Variants in SMYD3 observed in about 807,000 individuals in gnomAD.
SMYD3 encodes histone-lysine N-methyltransferase SMYD3.
SMYD3 carries 36 observed loss-of-function variants against 57.7 expected under a neutral mutation model. That is an observed-to-expected ratio of 0.62 (90% CI 0.48 to 0.82). The LOEUF (loss-of-function observed/expected upper bound fraction) is 0.82, where lower values mean the gene tolerates loss of function less well. Ranked by LOEUF, SMYD3 falls within the 40% of genes least tolerant of loss-of-function variation. The pLI, the probability that SMYD3 is intolerant of heterozygous loss-of-function variation, is 0.00. For synonymous variants in SMYD3, 211 were observed against 195.0 expected (o/e 1.08, Z -0.68); for missense variants, 515 against 538.8 (o/e 0.96, Z 0.44).
In SMYD3 at chr1:246,095,150, T is replaced by A. The variant is rs1457925843; in HGVS notation, c.532-165213A>T. Among the ~76,000 whole-genome samples the A allele has an allele frequency of 2.0e-5, 3 of 152,192 alleles. No individual in the cohort carries two copies. The East Asian group carries it at 5.8e-4, about 29-fold the overall frequency. On this transcript the variant is annotated intron_variant, in intron 5 of 11. Coordinates refer to ENST00000490107, the MANE Select transcript of SMYD3 (RefSeq NM_001167740.2). The stretch of plus-strand genomic sequence containing the variant: ...TGCCCAGCACTGGAATGTGTTTGTC[T>A]GTCTCTCCCCACACCATGGGCTTGC...
intron 5 of SMYD3, among the ~76,000 whole-genome samples, chr1:245,998,147 C>T (rs1402294093): frequency 6.6e-6 from 1 of 152,170 alleles, no homozygotes; most frequent in East Asian, 1.9e-4. Context: ...GCTTGGCTCA[C>T]AGTGCTTCAT....
chr1:246,453,466 T>C (rs959738758), intron 1 of SMYD3, among the ~76,000 whole-genome samples: 1 of 152,120 alleles, frequency 6.6e-6, no homozygotes, highest in Non-Finnish European at 1.5e-5. Context: ...GAAAATATAC[T>C]ATAAAAAGAT....
chr1:245,792,177 A>C (rs907744034), intron 10 of SMYD3, among the ~76,000 whole-genome samples: 2 of 152,168 alleles, frequency 1.3e-5, no homozygotes, highest in African/African-American at 4.8e-5. Flanking sequence ...AGAACCCACA[A>C]TCAGCCAAGC....
At chr1:246,071,781 C>T (rs113261273) in intron 5 of SMYD3, among the ~76,000 whole-genome samples, 1 of 136,646 alleles carries the variant, frequency 7.3e-6, no homozygotes, top group Non-Finnish European at 1.5e-5. Flanking sequence ...TCGCTGCATC[C>T]TGTAGTTCTG....
intron 11 of SMYD3, 94 bp from the exon 12 acceptor site, chr1:245,749,758 A>C: frequency 1.1e-6 from 1 of 900,288 alleles, no homozygotes; most frequent in South Asian, 1.4e-5. Context: ...GGCCTGGTGA[A>C]CCCCACAGGT....
intron 5 of SMYD3, among the ~76,000 whole-genome samples, chr1:246,221,024 T>C (rs1324410304): frequency 6.6e-6 from 1 of 151,982 alleles, no homozygotes; most frequent in Admixed American, 6.5e-5. Context: ...AGAGAGGAGC[T>C]ACCCTCTCTG....
chr1:246,048,509 T>C (rs1057318422), intron 5 of SMYD3, among the ~76,000 whole-genome samples: 17 of 152,166 alleles, frequency 1.1e-4, no homozygotes, highest in African/African-American at 4.1e-4. Flanking sequence ...TATATCACAT[T>C]ACAGCCATTT....
chr1:245,821,326 G>A lies in SMYD3; in HGVS notation c.1076+37170C>T, dbSNP rs994773576. Among the ~76,000 whole-genome samples, 496 of 150,922 alleles carry A rather than the reference G, an allele frequency of 3.3e-3. 5 individuals carry two copies. The highest frequency in any genetic ancestry group is 0.012 in the African/African-American group (480 of 41,476). On this transcript the variant is annotated intron_variant, in intron 10 of 11. Coordinates refer to ENST00000490107, the MANE Select transcript of SMYD3 (RefSeq NM_001167740.2). ...TTCCCTATTTAATAAATGGTGCTGCGAAAACTGGCTAGCCATATGTAGAAA... is the reference window on the plus strand; with the variant it reads ...TTCCCTATTTAATAAATGGTGCTGCAAAAACTGGCTAGCCATATGTAGAAA...
intron 5 of SMYD3, among the ~76,000 whole-genome samples, chr1:246,205,144 G>T (rs952012516): frequency 6.6e-6 from 1 of 152,164 alleles, no homozygotes; most frequent in African/African-American, 2.4e-5. Flanking sequence ...AATAAAAGAA[G>T]TTTTGTACTT....
chr1:245,830,676 AG>A (rs759547507), intron 10 of SMYD3, among the ~76,000 whole-genome samples: 5 of 152,246 alleles, frequency 3.3e-5, no homozygotes, highest in South Asian at 2.1e-4. Flanking sequence ...AGACTACTGT[AG>A]GAAGTAGAAA....
chr1:246,015,671 C>T (rs2059364730), intron 5 of SMYD3, among the ~76,000 whole-genome samples: 1 of 152,180 alleles, frequency 6.6e-6, no homozygotes. Flanking sequence ...AGGTGCCTCA[C>T]AGAGGTGAAA....
intron 5 of SMYD3, among the ~76,000 whole-genome samples, chr1:245,961,951 C>A (rs138063311): frequency 6.6e-6 from 1 of 152,148 alleles, no homozygotes. Context: ...GAACTGATTT[C>A]GCTGATTTCC....
chr1:245,896,613 C>A (rs1055319804), intron 8 of SMYD3, among the ~76,000 whole-genome samples: 2 of 152,084 alleles, frequency 1.3e-5, no homozygotes, highest in Non-Finnish European at 2.9e-5. Flanking sequence ...GTGAGGCTAC[C>A]TTGCTTGACA....
intron 5 of SMYD3, among the ~76,000 whole-genome samples, chr1:246,260,346 C>T (rs141966607): frequency 1.0e-3 from 153 of 152,350 alleles, no homozygotes; most frequent in African/African-American, 3.5e-3. Flanking sequence ...CAGACACTGT[C>T]GCAGAGGTTG....
Position 246,427,612 on chromosome 1 carries a change from G to A in SMYD3, c.165-72518C>T, listed in dbSNP as rs139324309. Among the ~76,000 whole-genome samples, 67 of 151,948 alleles carry A rather than the reference G, an allele frequency of 4.4e-4. 1 individual carries two copies. The highest frequency in any genetic ancestry group is 6.6e-4 in the Admixed American group (10 of 15,264). On this transcript the variant is annotated intron_variant, in intron 1 of 11. Transcript: ENST00000490107. ...GGTGTCGTGGCTCATGCCTGTATTC[G>A]CAACACTTTGGGAGGCCAAGGTGGG...
At chr1:246,147,594 CAGACCAGGCTTCCTGCTCTAT>C (rs2061871634) in intron 5 of SMYD3, among the ~76,000 whole-genome samples, 1 of 151,940 alleles carries the variant, frequency 6.6e-6, no homozygotes, top group South Asian at 2.1e-4. Context: ...ATCGTGGCTG[CAGACCAGGCTTCCTGCTCTAT>C]GGAGCAGGCA....
chr1:245,972,638 G>C (rs1359278275), intron 5 of SMYD3, among the ~76,000 whole-genome samples: 1 of 152,234 alleles, frequency 6.6e-6, no homozygotes, highest in Admixed American at 6.5e-5. Flanking sequence ...ATCAGGCACA[G>C]CTACGTGACT....
intron 8 of SMYD3, among the ~76,000 whole-genome samples, chr1:245,866,870 C>G (rs2051884189): frequency 1.3e-5 from 2 of 152,232 alleles, no homozygotes; most frequent in South Asian, 4.1e-4. Flanking sequence ...AGATCAAGCT[C>G]ACCCATTAGA....
At chr1:245,782,829 G>GAA (rs1162215696) in intron 10 of SMYD3, among the ~76,000 whole-genome samples, 1 of 152,232 alleles carries the variant, frequency 6.6e-6, no homozygotes. Flanking sequence ...CCTAATGCCA[G>GAA]AGTCTAGGAG....
Sources: gnomAD v4.1 joint callset for allele counts (sites outside exome capture counted in the v4.1 genomes callset) on GRCh38, gnomAD v4.1.1 for gene constraint, MANE v1.5 for transcripts, NCBI Gene and HGNC (gene_info 2026-07-23, HGNC 2026-07-21) for gene names.